Variants in GALNT11 observed in about 807,000 individuals in gnomAD.
The protein encoded by GALNT11 is polypeptide N-acetylgalactosaminyltransferase 11, also known as UDP-GalNAc:polypeptide N-acetylgalactosaminyltransferase 11.
GALNT11 carries 47 observed loss-of-function variants against 72.7 expected under a neutral mutation model. That is an observed-to-expected ratio of 0.65 (90% CI 0.51 to 0.82). GALNT11 has a LOEUF of 0.82. Ranked by LOEUF, GALNT11 falls within the 40% of genes least tolerant of loss-of-function variation. The pLI, the probability that GALNT11 is intolerant of heterozygous loss-of-function variation, is 0.00. For missense variants in GALNT11, 677 were observed against 778.4 expected (o/e 0.87, Z 1.55); for synonymous variants, 270 against 286.6 (o/e 0.94, Z 0.58).
At chr7:152,097,187 A>T (rs1391055025) in intron 2 of GALNT11, among the ~76,000 whole-genome samples, 1 of 152,226 alleles carries the variant, frequency 6.6e-6, no homozygotes, top group African/African-American at 2.4e-5. Context: ...AAAATGGGCA[A>T]AGGATTTGAT....
chr7:152,108,234 T>C lies in GALNT11; in HGVS notation c.909T>C (p.Asp303=). ...GFNWGLHFKW[D]LVPLSELGRA... Reference sequence around the variant, plus strand: ...ACTGGGGACTGCACTTCAAATGGGATCTTGTCCCCCTTTCTGAGCTAGGAC... The same window carrying C: ...ACTGGGGACTGCACTTCAAATGGGACCTTGTCCCCCTTTCTGAGCTAGGAC... Residue 303 remains aspartate (D), a synonymous_variant, in exon 6 of 12, where the codon GAT becomes GAC. Transcript: ENST00000430044. The C allele has an allele frequency of 3.1e-6, 5 of 1,614,070 alleles. No homozygotes were observed. The Admixed American group carries it at 8.3e-5, about 27-fold the overall frequency.
intron 1 of GALNT11, among the ~76,000 whole-genome samples, chr7:152,034,589 G>A (rs1027600951): frequency 7.2e-5 from 11 of 152,076 alleles, no homozygotes; most frequent in East Asian, 3.9e-4. Context: ...AAAACCGCCC[G>A]CAGTTTTGGT....
chr7:152,047,779 T>G (rs920064741), intron 1 of GALNT11, among the ~76,000 whole-genome samples: 2 of 152,082 alleles, frequency 1.3e-5, no homozygotes, highest in African/African-American at 4.8e-5. Flanking sequence ...TTCATTACAT[T>G]TTAACAACAT....
chr7:152,052,619 A>G (rs2152034740), intron 1 of GALNT11, among the ~76,000 whole-genome samples: 1 of 152,268 alleles, frequency 6.6e-6, no homozygotes, highest in South Asian at 2.1e-4. Flanking sequence ...GGCACCTCAC[A>G]TTGCTGTCGA....
Position 152,108,674 on chromosome 7 carries a change from C to T in GALNT11, c.962+387C>T, listed in dbSNP as rs143110678. 9.2e-5 allele frequency among the ~76,000 whole-genome samples: 14 copies of T among 152,252 alleles called. No individual in the cohort carries two copies. In the East Asian group the frequency reaches 2.7e-3, roughly 29 times the overall value. ...AGTGATGTTGTGAAAAACATTAATA[C>T]GTAAGCCTTTTCTTTCATTAGGATT... On this transcript the variant is annotated intron_variant, in intron 6 of 11. Coordinates refer to ENST00000430044, the MANE Select transcript of GALNT11 (RefSeq NM_022087.4).
At chr7:152,076,061 C>CAAAAAAAAAA in intron 1 of GALNT11, among the ~76,000 whole-genome samples, 1 of 71,312 alleles carries the variant, frequency 1.4e-5, no homozygotes, top group Non-Finnish European at 2.3e-5. Context: ...GACTCCGTCT[C>CAAAAAAAAAA]AAAAAAAAAA....
At chr7:152,047,847 A>AT (rs1394756018) in intron 1 of GALNT11, among the ~76,000 whole-genome samples, 2 of 150,934 alleles carry the variant, frequency 1.3e-5, no homozygotes, top group Non-Finnish European at 2.9e-5. Flanking sequence ...TTTATATCTT[A>AT]TTGTATTGTC....
chr7:152,026,765 G>A (rs1015142013), intron 1 of GALNT11, among the ~76,000 whole-genome samples: 1 of 152,118 alleles, frequency 6.6e-6, no homozygotes, highest in East Asian at 1.9e-4. Flanking sequence ...CCTGGAAGCC[G>A]CCACTTTGAG....
At chr7:152,102,478 G>A (rs1286751149) in intron 3 of GALNT11, among the ~76,000 whole-genome samples, 1 of 151,998 alleles carries the variant, frequency 6.6e-6, no homozygotes, top group Non-Finnish European at 1.5e-5. Context: ...GGAGTCGGAG[G>A]TTGCAGTGAG....
chr7:152,114,582 CAG>C (rs955045073), intron 8 of GALNT11, among the ~76,000 whole-genome samples: 10 of 148,906 alleles, frequency 6.7e-5, no homozygotes, highest in Admixed American at 1.3e-4. Context: ...TTTTTTGAGA[CAG>C]AGTTTCACTC....
chr7:152,085,215 C>T (rs944817752), intron 1 of GALNT11, among the ~76,000 whole-genome samples: 2 of 152,200 alleles, frequency 1.3e-5, no homozygotes, highest in Non-Finnish European at 1.5e-5. Context: ...ACCCACGTCT[C>T]AGCTTACAAG....
chr7:152,033,576 CAG>C (rs1270149463), intron 1 of GALNT11, among the ~76,000 whole-genome samples: 2 of 152,206 alleles, frequency 1.3e-5, no homozygotes, highest in African/African-American at 4.8e-5. Flanking sequence ...AGTCTGGTGA[CAG>C]GGGAGTACAT....
At chr7:152,082,134 A>T (rs530425287) in intron 1 of GALNT11, among the ~76,000 whole-genome samples, 1 of 152,332 alleles carries the variant, frequency 6.6e-6, no homozygotes, top group African/African-American at 2.4e-5. Flanking sequence ...AAGAGTAGAT[A>T]GTGTATTTTT....
intron 1 of GALNT11, among the ~76,000 whole-genome samples, chr7:152,076,088 AAAGAAG>A (rs1260506871): frequency 1.4e-5 from 2 of 147,606 alleles, no homozygotes; most frequent in South Asian, 4.3e-4. Context: ...AAAAAAAAAA[AAAGAAG>A]AAGAGAGAAA....
intron 1 of GALNT11, among the ~76,000 whole-genome samples, chr7:152,072,314 C>CA (rs754741694): frequency 0.042 from 2,594 of 61,156 alleles, 69 homozygotes; most frequent in African/African-American, 0.093. Context: ...GACTCCGTCT[C>CA]AAAAAAAAAA....
intron 3 of GALNT11, among the ~76,000 whole-genome samples, chr7:152,101,201 C>G (rs1388030163): frequency 6.6e-6 from 1 of 152,166 alleles, no homozygotes; most frequent in African/African-American, 2.4e-5. Context: ...TAAGTTTGTT[C>G]TAAATGTTTA....
intron 8 of GALNT11, among the ~76,000 whole-genome samples, chr7:152,114,967 A>G (rs1352738820): frequency 6.6e-6 from 1 of 152,242 alleles, no homozygotes; most frequent in Non-Finnish European, 1.5e-5. Context: ...AAATGTCAAC[A>G]GAGACATGTA....
intron 4 of GALNT11, chr7:152,104,323 C>T (rs533764226): frequency 6.6e-6 from 1 of 152,306 alleles, no homozygotes; most frequent in East Asian, 1.9e-4. Context: ...ATGCCAGTGA[C>T]TTTTTCATGC....
chr7:152,103,370 G>A (rs1166452761), intron 4 of GALNT11, 92 bp downstream of exon 4: 1 of 1,328,386 alleles, frequency 7.5e-7, no homozygotes, highest in South Asian at 1.3e-5. Context: ...TCAAGTACGT[G>A]GTAGGTGGGG....
Sources: gnomAD v4.1 joint callset for allele counts (sites outside exome capture counted in the v4.1 genomes callset) on GRCh38, gnomAD v4.1.1 for gene constraint, MANE v1.5 for transcripts, NCBI Gene and HGNC (gene_info 2026-07-23, HGNC 2026-07-21) for gene names.